The following SUGT1 variants were observed in gnomAD, a reference collection of about 807,000 sequenced individuals.
SUGT1 encodes SGT1 assembly cochaperone of MIS12 kinetochore complex.
A neutral mutation model predicts 56.1 loss-of-function variants in SUGT1; 15 were observed. The observed-to-expected ratio is 0.27, with a 90% CI of 0.18 to 0.41. The LOEUF is 0.41. Ranked by LOEUF, SUGT1 falls within the 10% of genes least tolerant of loss-of-function variation. The pLI is 1.00. For missense variants in SUGT1, 347 were observed against 382.2 expected (o/e 0.91, Z 0.77); for synonymous variants, 123 against 128.6 (o/e 0.96, Z 0.30).
chr13:52,653,597 AT>A (rs377716035), intron 2 of SUGT1, among the ~76,000 whole-genome samples: 1 of 151,722 alleles, frequency 6.6e-6, no homozygotes, highest in African/African-American at 2.4e-5. Context: ...ATTCATCAAA[AT>A]TTTTTTTTGG....
chr13:52,676,406 C>G (rs1003192438), intron 11 of SUGT1, 86 bp downstream of exon 11: 7 of 1,110,450 alleles, frequency 6.3e-6, no homozygotes, highest in Non-Finnish European at 8.9e-6. Context: ...TTTTTACTTT[C>G]ATTATTTATG....
chr13:52,659,041 A>G, intron 4 of SUGT1, 138 bp from the exon 5 acceptor site: 2 of 568,872 alleles, frequency 3.5e-6, no homozygotes, highest in Non-Finnish European at 5.8e-6. Flanking sequence ...GTATATTAGA[A>G]AGTCTCTAGG....
Position 52,662,587 on chromosome 13 carries a change from A to T in SUGT1, c.329-62A>T, listed in dbSNP as rs929837790. 3.2e-6 allele frequency: 5 copies of T among 1,555,322 alleles called. No homozygotes were observed. The Admixed American group carries it at 8.4e-5, about 26-fold the overall frequency. Reference sequence around the variant, plus strand: ...CCTGGGATGTAGTAGGTATTCAGTAAGTATTTGTTGATTTATAGGTTGTGC... The same window carrying T: ...CCTGGGATGTAGTAGGTATTCAGTATGTATTTGTTGATTTATAGGTTGTGC... On this transcript the variant is annotated intron_variant, in intron 5 of 12. Transcript: ENST00000310528.
rs539321799 is a variant in SUGT1 at position 52,689,617 on chromosome 13, A to T, written c.*1782A>T. 2.0e-5 allele frequency: 3 copies of T among 152,308 alleles called. No individual in the cohort carries two copies. The South Asian group carries it at 6.2e-4, about 32-fold the overall frequency. 9.4% of individuals were successfully genotyped at this position (152,308 alleles called of 1,614,324 possible). On this transcript the variant is annotated 3_prime_UTR_variant, in exon 13 of 13. Coordinates refer to ENST00000310528, the MANE Select transcript of SUGT1 (RefSeq NM_006704.5). ...TATAATTAAAGGTCCATGGTTCTAA[A>T]TACAGAAGCATATTTTTGCCGCTTA... is the stretch of plus-strand genomic sequence containing the variant.
At chr13:52,680,492 G>A (rs1963328266) in intron 12 of SUGT1, among the ~76,000 whole-genome samples, 1 of 152,126 alleles carries the variant, frequency 6.6e-6, no homozygotes, top group Non-Finnish European at 1.5e-5. Context: ...TAGAGATGAA[G>A]AATATAGATA....
intron 7 of SUGT1, 81 bp from the exon 8 acceptor site, chr13:52,663,954 A>G (rs765085301): frequency 1.7e-5 from 22 of 1,282,224 alleles, no homozygotes; most frequent in Admixed American, 3.8e-5. Flanking sequence ...TTAATAATAC[A>G]TGCATTTTAA....
At chr13:52,657,717 A>G in intron 3 of SUGT1, 95 bp downstream of exon 3, 1 of 1,169,002 alleles carries the variant, frequency 8.6e-7, no homozygotes, top group Non-Finnish European at 1.2e-6. Flanking sequence ...GAATTTTTAA[A>G]TTGGTCTTTT....
At chr13:52,675,531 C>T (rs569449466) in intron 10 of SUGT1, among the ~76,000 whole-genome samples, 1 of 152,222 alleles carries the variant, frequency 6.6e-6, no homozygotes, top group African/African-American at 2.4e-5. Flanking sequence ...GAGCTATGAT[C>T]CTTCTACTGC....
chr13:52,679,851 C>A, intron 11 of SUGT1, 123 bp from the exon 12 acceptor site: 1 of 904,848 alleles, frequency 1.1e-6, no homozygotes, highest in Admixed American at 3.7e-5. Flanking sequence ...TTATTGCATA[C>A]CTGAAATTCA....
At chr13:52,661,060 C>T (rs1398104888) in intron 5 of SUGT1, among the ~76,000 whole-genome samples, 1 of 152,148 alleles carries the variant, frequency 6.6e-6, no homozygotes, top group Non-Finnish European at 1.5e-5. Context: ...GTTCTGCCTG[C>T]CTCGGCCTCT....
intron 3 of SUGT1, 23 bp from the exon 4 acceptor site, chr13:52,658,376 A>C: frequency 6.2e-7 from 1 of 1,609,058 alleles, no homozygotes; most frequent in Non-Finnish European, 8.5e-7. Context: ...TAACTGACTA[A>C]AAACCCGTCT....
intron 10 of SUGT1, among the ~76,000 whole-genome samples, chr13:52,669,630 A>G (rs1280407563): frequency 6.6e-6 from 1 of 152,122 alleles, no homozygotes; most frequent in Admixed American, 6.5e-5. Flanking sequence ...TGAATTGGAG[A>G]ACTTAGATTC....
chr13:52,660,401 A>G (rs1962387397), intron 5 of SUGT1, among the ~76,000 whole-genome samples: 1 of 152,156 alleles, frequency 6.6e-6, no homozygotes. Context: ...GGTGCTACTA[A>G]ATATTCTATA....
At chr13:52,653,873 T>G (rs184537850) in intron 2 of SUGT1, among the ~76,000 whole-genome samples, 3 of 152,344 alleles carry the variant, frequency 2.0e-5, no homozygotes, top group Admixed American at 1.3e-4. Flanking sequence ...CTGTTACGTT[T>G]AACAATTTGA....
chr13:52,658,293 A>G, intron 3 of SUGT1, 106 bp from the exon 4 acceptor site: 2 of 1,558,972 alleles, frequency 1.3e-6, no homozygotes, highest in Non-Finnish European at 1.7e-6. Context: ...ACCATTTGGC[A>G]TTTCTACCAA....
At position 52,699,938 on chromosome 13, in the gene SUGT1, G is replaced by A. The variant is rs1964036572; in HGVS notation, c.*12103G>A. 1 of 152,180 alleles carries A rather than the reference G, an allele frequency of 6.6e-6. No homozygotes were observed. The highest frequency in any genetic ancestry group is 2.4e-5 in the African/African-American group (1 of 41,450). 9.4% of individuals were successfully genotyped at this position (152,180 alleles called of 1,614,324 possible). On this transcript the variant is annotated 3_prime_UTR_variant, in exon 13 of 13. Transcript: ENST00000310528. The stretch of plus-strand genomic sequence containing the variant: ...TTACTATTAGAATTTTTGTAGCCAT[G>A]TGCAGAGGAGAGAAAAGGTGTTGGA...
At chr13:52,659,814 A>ATTTTT (rs71088033) in intron 5 of SUGT1, among the ~76,000 whole-genome samples, 1 of 58,726 alleles carries the variant, frequency 1.7e-5, no homozygotes, top group Non-Finnish European at 2.9e-5. Flanking sequence ...ATATATATAT[A>ATTTTT]TTTTTTTTTT....
chr13:52,666,013 C>G (rs1171913688), intron 9 of SUGT1, among the ~76,000 whole-genome samples: 1 of 152,140 alleles, frequency 6.6e-6, no homozygotes, highest in Non-Finnish European at 1.5e-5. Context: ...TGGTGTACTT[C>G]ATGAAAAAGA....
chr13:52,670,677 G>C (rs747935357), intron 10 of SUGT1, among the ~76,000 whole-genome samples: 1 of 152,110 alleles, frequency 6.6e-6, no homozygotes, highest in Non-Finnish European at 1.5e-5. Context: ...ACGTGGTGAC[G>C]GGTGCCTGTA....
Sources: gnomAD v4.1 joint callset for allele counts (sites outside exome capture counted in the v4.1 genomes callset) on GRCh38, gnomAD v4.1.1 for gene constraint, MANE v1.5 for transcripts, NCBI Gene and HGNC (gene_info 2026-07-23, HGNC 2026-07-21) for gene names.